Variants in KIAA1217 observed in about 807,000 individuals in gnomAD.
KIAA1217 encodes the protein KIAA1217, also known as sickle tail protein homolog.
KIAA1217 carries 88 observed loss-of-function variants against 163.9 expected under a neutral mutation model. The observed-to-expected ratio is 0.54, with a 90% CI of 0.45 to 0.64. The LOEUF is 0.64. Among genes scored for constraint, KIAA1217 ranks in the 30% least tolerant of loss-of-function variants. KIAA1217 has a pLI of 0.00. For synonymous variants in KIAA1217, 903 were observed against 923.1 expected (o/e 0.98, Z 0.39); for missense variants, 2,372 against 2,475.0 (o/e 0.96, Z 0.88).
At chr10:24,308,755 G>C (rs1009944005) in intron 2 of KIAA1217, among the ~76,000 whole-genome samples, 9 of 152,124 alleles carry the variant, frequency 5.9e-5, no homozygotes, top group Non-Finnish European at 1.3e-4. Context: ...TGATGTCCAT[G>C]ACCCCTTCGT....
rs118062616 is a variant in KIAA1217, at chr10:23,741,118, G to T, written c.-321+45884G>T. ...TGTGTCTTCCTGGGATGAATTTAAG[G>T]CTGCTAGCAGAAAGAAGCCTCTTTC... On this transcript the variant is annotated intron_variant, in intron 1 of 18. Transcript: ENST00000376462. 9.6e-4 allele frequency among the ~76,000 whole-genome samples: 146 copies of T among 152,238 alleles called. 2 individuals are homozygous for T. In the East Asian group the frequency reaches 0.027, roughly 28 times the overall value.
At chr10:24,381,594 A>G (rs2053312136) in intron 3 of KIAA1217, among the ~76,000 whole-genome samples, 1 of 152,212 alleles carries the variant, frequency 6.6e-6, no homozygotes, top group African/African-American at 2.4e-5. Context: ...ATGATCCGAG[A>G]TGGAGCAGTT....
rs1309199374 is a variant in KIAA1217, at chr10:24,253,462, G to A, written c.354+33553G>A. Among the ~76,000 whole-genome samples, 3 of 152,162 alleles carry A rather than the reference G, an allele frequency of 2.0e-5. No individual in the cohort carries two copies. The East Asian group carries it at 5.8e-4, about 29-fold the overall frequency. Reference sequence around the variant, plus strand: ...ATTTGCTCACCCAGGCTCCCATGCCGAGTGTTCTTGTCATTAACTCAAAAG... The same window carrying A: ...ATTTGCTCACCCAGGCTCCCATGCCAAGTGTTCTTGTCATTAACTCAAAAG... On this transcript the variant is annotated intron_variant, in intron 2 of 20. Transcript: ENST00000376454.
intron 2 of KIAA1217, among the ~76,000 whole-genome samples, chr10:24,317,181 G>A (rs1482305209): frequency 6.6e-6 from 1 of 152,132 alleles, no homozygotes; most frequent in African/African-American, 2.4e-5. Context: ...GATTGATTAT[G>A]TTATGTTCAA....
At chr10:24,522,879 G>A (rs903251606) in intron 12 of KIAA1217, among the ~76,000 whole-genome samples, 2 of 152,126 alleles carry the variant, frequency 1.3e-5, no homozygotes, top group African/African-American at 4.8e-5. Context: ...GGAGGCTGAG[G>A]GAGGAGAATT....
intron 2 of KIAA1217, among the ~76,000 whole-genome samples, chr10:24,057,970 AT>A (rs1195630141): frequency 6.6e-6 from 1 of 152,172 alleles, no homozygotes. Context: ...CCATTAAATC[AT>A]TGCTGAGGCC....
chr10:24,148,945 G>A (rs1395993653), intron 2 of KIAA1217, among the ~76,000 whole-genome samples: 1 of 152,034 alleles, frequency 6.6e-6, no homozygotes, highest in East Asian at 1.9e-4. Context: ...AAATGATATG[G>A]AAACTTCTGT....
At chr10:23,844,723 T>G (rs1439624465) in intron 1 of KIAA1217, among the ~76,000 whole-genome samples, 1 of 151,962 alleles carries the variant, frequency 6.6e-6, no homozygotes, top group African/African-American at 2.4e-5. Context: ...TTTTTTAATT[T>G]GTGGCTCAAC....
At chr10:23,698,601 G>A (rs1380720120) in intron 1 of KIAA1217, among the ~76,000 whole-genome samples, 1 of 152,172 alleles carries the variant, frequency 6.6e-6, no homozygotes, top group East Asian at 1.9e-4. Context: ...AGATTACCGA[G>A]TTTAGAAAAT....
intron 1 of KIAA1217, among the ~76,000 whole-genome samples, chr10:24,213,483 C>A (rs2068420567): frequency 6.6e-6 from 1 of 152,154 alleles, no homozygotes; most frequent in Admixed American, 6.5e-5. Context: ...TAAAACAGCC[C>A]CCTCAGTCTC....
intron 2 of KIAA1217, among the ~76,000 whole-genome samples, chr10:24,183,659 C>T (rs75218406): frequency 0.013 from 1,971 of 152,316 alleles, 25 homozygotes; most frequent in Non-Finnish European, 0.019. Flanking sequence ...CAATCCTCAA[C>T]TAGCCTCTTC....
intron 2 of KIAA1217, among the ~76,000 whole-genome samples, chr10:24,249,836 A>C (rs964295093): frequency 2.0e-5 from 3 of 152,166 alleles, no homozygotes; most frequent in African/African-American, 7.2e-5. Flanking sequence ...GAACCCAGCT[A>C]TTGTGACTCA....
rs561129621 is a variant in KIAA1217 at position 24,530,414 on chromosome 10, G to A, written c.3083-1416G>A. Among the ~76,000 whole-genome samples the A allele has an allele frequency of 2.5e-3, 375 of 152,282 alleles. 6 individuals are homozygous for A. The highest frequency in any genetic ancestry group is 2.0e-3 in the Non-Finnish European group (138 of 68,020). The stretch of plus-strand genomic sequence containing the variant: ...GACAGGCTACCAGAGATGTGTAAAG[G>A]TAGCATCCGTGACCTGTAAACATTA... On this transcript the variant is annotated intron_variant, in intron 14 of 20. Transcript: ENST00000376454.
At chr10:24,064,422 T>C (rs1273416975) in intron 2 of KIAA1217, among the ~76,000 whole-genome samples, 1 of 152,236 alleles carries the variant, frequency 6.6e-6, no homozygotes, top group African/African-American at 2.4e-5. Flanking sequence ...TCTTTGGTTC[T>C]GTTTATATGC....
At position 24,527,007 on chromosome 10, in the gene KIAA1217, C is replaced by T. The variant is rs1020984543; in HGVS notation, c.2899-929C>T. Among the ~76,000 whole-genome samples, 9 of 152,144 alleles carry T rather than the reference C, an allele frequency of 5.9e-5. No individual in the cohort carries two copies. In the South Asian group the frequency reaches 1.9e-3, roughly 32 times the overall value. ...CCACTAATCTTGGTGTGAATTTCCA[C>T]TCTGCCCCCTTAGAATTATTAATGT... On this transcript the variant is annotated intron_variant, in intron 13 of 20. Coordinates refer to ENST00000376454, the MANE Select transcript of KIAA1217 (RefSeq NM_019590.5).
intron 2 of KIAA1217, among the ~76,000 whole-genome samples, chr10:24,018,269 G>T (rs188917127): frequency 7.9e-5 from 12 of 152,204 alleles, no homozygotes; most frequent in Non-Finnish European, 1.0e-4. Context: ...ATCAGACCTA[G>T]AATATGTAAG....
chr10:23,917,886 T>A (rs1160737501), intron 1 of KIAA1217, among the ~76,000 whole-genome samples: 1 of 152,168 alleles, frequency 6.6e-6, no homozygotes, highest in Non-Finnish European at 1.5e-5. Context: ...TACTTTGCTT[T>A]AGGGTTTGTG....
At chr10:23,929,255 A>G (rs901488574) in intron 1 of KIAA1217, among the ~76,000 whole-genome samples, 1 of 152,246 alleles carries the variant, frequency 6.6e-6, no homozygotes, top group Admixed American at 6.5e-5. Flanking sequence ...ACCACCACAA[A>G]GTCTGCATCA....
chr10:24,147,003 T>C (rs2064348209), intron 2 of KIAA1217, among the ~76,000 whole-genome samples: 1 of 144,456 alleles, frequency 6.9e-6, no homozygotes. Flanking sequence ...GTTTTTGTTT[T>C]GTTAAAAAAA....
Sources: gnomAD v4.1 joint callset for allele counts (sites outside exome capture counted in the v4.1 genomes callset) on GRCh38, gnomAD v4.1.1 for gene constraint, MANE v1.5 for transcripts, NCBI Gene and HGNC (gene_info 2026-07-23, HGNC 2026-07-21) for gene names.